Variants in C12orf60 observed in about 807,000 individuals in gnomAD.
C12orf60 encodes the protein chromosome 12 open reading frame 60.
For synonymous variants in C12orf60, 102 were observed against 94.6 expected (o/e 1.08, Z -0.45); for missense variants, 284 against 283.2 (o/e 1.00, Z -0.02).
chr12:14,808,999 T>A (rs1048557007), intron 1 of C12orf60, among the ~76,000 whole-genome samples: 1 of 152,240 alleles, frequency 6.6e-6, no homozygotes, highest in African/African-American at 2.4e-5. Context: ...CATTAAACGT[T>A]TGTCTTTTTT....
intron 1 of C12orf60, among the ~76,000 whole-genome samples, chr12:14,815,491 G>C (rs886681530): frequency 2.7e-4 from 41 of 152,208 alleles, no homozygotes; most frequent in African/African-American, 9.2e-4. Flanking sequence ...AGTGGGAGCA[G>C]TTAAGGGAAG....
At chr12:14,821,939 C>T (rs936923899) in intron 1 of C12orf60, among the ~76,000 whole-genome samples, 3 of 142,422 alleles carry the variant, frequency 2.1e-5, no homozygotes, top group Non-Finnish European at 3.0e-5. Context: ...AGCGTTTTCA[C>T]TGCCAGTTGA....
intron 1 of C12orf60, among the ~76,000 whole-genome samples, chr12:14,816,935 G>T (rs532829130): frequency 2.6e-5 from 4 of 152,092 alleles, no homozygotes; most frequent in African/African-American, 9.6e-5. Flanking sequence ...TAGAGACGGG[G>T]TTTTGCCATG....
intron 1 of C12orf60, among the ~76,000 whole-genome samples, chr12:14,814,541 C>G (rs1175712084): frequency 2.0e-5 from 3 of 152,136 alleles, no homozygotes; most frequent in Non-Finnish European, 4.4e-5. Flanking sequence ...TACTAAGTTT[C>G]TTTTAGCTTC....
Position 14,823,647 on chromosome 12 carries a change from G to T in C12orf60, c.712G>T (p.Val238Leu). The change falls in exon 2 of 2, where the codon GTG becomes TTG. Residue 238 changes from valine (V) to leucine (L), a missense_variant. Physicochemically the swap from Val to Leu is conservative, Grantham distance 32. Coordinates refer to ENST00000330828, the MANE Select transcript of C12orf60 (RefSeq NM_175874.4). ...AAAGACTATGGAAATGAATATTTCTGTGTTTAAGAAAGCCAGTGACAAGTA... is the reference window on the plus strand; with the variant it reads ...AAAGACTATGGAAATGAATATTTCTTTGTTTAAGAAAGCCAGTGACAAGTA... ...AIKTMEMNIS[V>L]FKKASDK is the part of the protein sequence containing the mutation. 2 of 1,574,464 alleles carry T rather than the reference G, an allele frequency of 1.3e-6. No individual in the cohort carries two copies. Among genetic ancestry groups the T allele is most frequent in the Non-Finnish European group, 1.7e-6 (2 of 1,163,628 alleles).
intron 1 of C12orf60, among the ~76,000 whole-genome samples, chr12:14,807,209 C>T (rs1950065372): frequency 6.6e-6 from 1 of 152,106 alleles, no homozygotes; most frequent in African/African-American, 2.4e-5. Flanking sequence ...AGAATACAAC[C>T]CTTTGATGGA....
At chr12:14,820,912 A>G (rs1453628215) in intron 1 of C12orf60, among the ~76,000 whole-genome samples, 1 of 152,114 alleles carries the variant, frequency 6.6e-6, no homozygotes, top group Non-Finnish European at 1.5e-5. Flanking sequence ...TTATCTATAA[A>G]TATTTCATAT....
chr12:14,821,317 C>G (rs1341589822), intron 1 of C12orf60, among the ~76,000 whole-genome samples: 5 of 151,936 alleles, frequency 3.3e-5, no homozygotes, highest in African/African-American at 1.2e-4. Flanking sequence ...AGAAATGTAC[C>G]CTCTCAGAGT....
Position 14,823,607 on chromosome 12 carries a change from C to A in C12orf60, c.672C>A (p.Ile224=), listed in dbSNP as rs571280432. The change falls in exon 2 of 2, where the codon ATC becomes ATA. Residue 224 remains isoleucine, a synonymous_variant. Coordinates refer to ENST00000330828, the MANE Select transcript of C12orf60 (RefSeq NM_175874.4). ...AGGCTATGGGACCAATCTTAGAGAT[C>A]CTCCAAAAAGCGATAAAGACTATGG... is the stretch of plus-strand genomic sequence containing the variant. ...IVKAMGPILE[I]LQKAIKTMEM... is the part of the protein sequence containing the mutation. The A allele has an allele frequency of 3.4e-5, 54 of 1,606,854 alleles. No homozygotes were observed. The South Asian group carries it at 6.0e-4, about 18-fold the overall frequency.
chr12:14,821,250 A>G (rs1416702530), intron 1 of C12orf60, among the ~76,000 whole-genome samples: 1 of 152,204 alleles, frequency 6.6e-6, no homozygotes, highest in Non-Finnish European at 1.5e-5. Flanking sequence ...GAAAATCTGA[A>G]TTAGTATCCT....
intron 1 of C12orf60, chr12:14,806,484 C>A: frequency 6.2e-7 from 1 of 1,614,126 alleles, no homozygotes; most frequent in Non-Finnish European, 8.5e-7. Flanking sequence ...GATGAGGTCA[C>A]AGTTTTCTTT....
chr12:14,804,684 A>G (rs1252987556), intron 1 of C12orf60: 1 of 152,228 alleles, frequency 6.6e-6, no homozygotes, highest in African/African-American at 2.4e-5. Context: ...TTTTGCAACT[A>G]GTTTTTTTTC....
At chr12:14,815,422 C>T (rs1950200419) in intron 1 of C12orf60, among the ~76,000 whole-genome samples, 1 of 152,002 alleles carries the variant, frequency 6.6e-6, no homozygotes, top group Admixed American at 6.5e-5. Flanking sequence ...GGAGCTGAAC[C>T]AAAAATTGTA....
chr12:14,823,298 A>G lies in C12orf60; in HGVS notation c.363A>G (p.Pro121=), dbSNP rs768880320. The G allele has an allele frequency of 3.7e-6, 6 of 1,614,190 alleles. No individual in the cohort carries two copies. Among genetic ancestry groups the G allele is most frequent in the Non-Finnish European group, 4.2e-6 (5 of 1,180,030 alleles). ...AAGTATTCAAAAGTGCCCATACGCC[A>G]GTCATCATCTCTGTGCTAAACAGCA... ...AKEVFKSAHT[P]VIISVLNSSN... The change falls in exon 2 of 2, where the codon CCA becomes CCG. Residue 121 remains proline, a synonymous_variant. Coordinates refer to ENST00000330828, the MANE Select transcript of C12orf60 (RefSeq NM_175874.4).
intron 1 of C12orf60, among the ~76,000 whole-genome samples, chr12:14,810,445 T>C (rs1950119112): frequency 6.6e-6 from 1 of 152,202 alleles, no homozygotes; most frequent in African/African-American, 2.4e-5. Flanking sequence ...ACTTACCACG[T>C]GTAAGGTCAT....
intron 1 of C12orf60, among the ~76,000 whole-genome samples, chr12:14,811,345 G>A (rs1389293212): frequency 6.6e-6 from 1 of 152,064 alleles, no homozygotes; most frequent in Non-Finnish European, 1.5e-5. Flanking sequence ...GGCCTTTGCT[G>A]GACTGGAGCA....
chr12:14,806,046 G>C, intron 1 of C12orf60: 1 of 1,614,046 alleles, frequency 6.2e-7, no homozygotes, highest in African/African-American at 1.3e-5. Flanking sequence ...CTCAGTAATG[G>C]CATGATTATA....
intron 1 of C12orf60, among the ~76,000 whole-genome samples, chr12:14,815,611 A>T (rs546988269): frequency 6.6e-6 from 1 of 152,316 alleles, no homozygotes; most frequent in Non-Finnish European, 1.5e-5. Context: ...CCTTTTAATT[A>T]TGGTGTAATA....
At chr12:14,804,025 T>A (rs774772969) in intron 1 of C12orf60, among the ~76,000 whole-genome samples, 9 of 152,188 alleles carry the variant, frequency 5.9e-5, no homozygotes, top group African/African-American at 9.7e-5. Context: ...GTAGACCACC[T>A]GAACAAATAA....
Sources: allele counts gnomAD v4.1 joint callset (sites outside exome capture counted in the v4.1 genomes callset), GRCh38; gene constraint gnomAD v4.1.1; transcripts MANE v1.5; gene names NCBI Gene and HGNC (gene_info 2026-07-23, HGNC 2026-07-21).